The following ALK variants were observed in gnomAD, a reference collection of about 807,000 sequenced individuals.
The protein encoded by ALK is ALK receptor tyrosine kinase, also known as ALK tyrosine kinase receptor.
A neutral mutation model predicts 163.1 loss-of-function variants in ALK; 74 were observed. That is an observed-to-expected ratio of 0.45 (90% CI 0.38 to 0.55). The LOEUF (loss-of-function observed/expected upper bound fraction) is 0.55, where lower values mean the gene tolerates loss of function less well. ALK is among the 20% of genes least tolerant of loss of function. The pLI, the probability that ALK is intolerant of heterozygous loss-of-function variation, is 0.00. For missense variants in ALK, 2,063 were observed against 2,105.3 expected (o/e 0.98, Z 0.39); for synonymous variants, 960 against 843.2 (o/e 1.14, Z -2.40).
intron 23 of ALK, among the ~76,000 whole-genome samples, chr2:29,215,046 C>T (rs981195045): frequency 6.6e-6 from 1 of 152,202 alleles, no homozygotes; most frequent in Non-Finnish European, 1.5e-5. Flanking sequence ...AGAAAGCACA[C>T]GCAGGTAGGG....
At chr2:29,429,860 TG>T (rs1395133755) in intron 4 of ALK, among the ~76,000 whole-genome samples, 1 of 152,140 alleles carries the variant, frequency 6.6e-6, no homozygotes, top group Non-Finnish European at 1.5e-5. Flanking sequence ...AATGTTATGC[TG>T]GCATAATGAT....
chr2:29,372,330 T>A (rs75645293), intron 5 of ALK, among the ~76,000 whole-genome samples: 7,716 of 152,296 alleles, frequency 0.051, 287 homozygotes, highest in East Asian at 0.14. Context: ...AGCTGAGTCA[T>A]CTAGTCCTTC....
chr2:29,552,217 T>G (rs1044477976), intron 3 of ALK, among the ~76,000 whole-genome samples: 2 of 152,248 alleles, frequency 1.3e-5, no homozygotes, highest in Admixed American at 6.5e-5. Context: ...GGTCATGGTA[T>G]GTGTATACCA....
intron 1 of ALK, among the ~76,000 whole-genome samples, chr2:29,901,148 T>C (rs1667407273): frequency 6.6e-6 from 1 of 152,204 alleles, no homozygotes; most frequent in South Asian, 2.1e-4. Context: ...TCATTTGACC[T>C]AGGCAAGTCA....
chr2:29,590,819 C>G (rs888105078), intron 3 of ALK, among the ~76,000 whole-genome samples: 1 of 151,944 alleles, frequency 6.6e-6, no homozygotes, highest in East Asian at 1.9e-4. Flanking sequence ...CGCCTGTAAT[C>G]CTAGCACTTT....
At chr2:29,747,522 T>A (rs1429780467) in intron 1 of ALK, among the ~76,000 whole-genome samples, 1 of 152,222 alleles carries the variant, frequency 6.6e-6, no homozygotes, top group Non-Finnish European at 1.5e-5. Context: ...GAGGGGCTGA[T>A]GTCTCTGTCT....
At chr2:29,912,358 AG>A (rs2148438309) in intron 1 of ALK, among the ~76,000 whole-genome samples, 1 of 152,320 alleles carries the variant, frequency 6.6e-6, no homozygotes, top group Non-Finnish European at 1.5e-5. Context: ...AATTACAAAA[AG>A]GAACAACAAT....
At chr2:29,499,176 G>A (rs1177290672) in intron 4 of ALK, among the ~76,000 whole-genome samples, 2 of 152,006 alleles carry the variant, frequency 1.3e-5, no homozygotes, top group Non-Finnish European at 2.9e-5. Flanking sequence ...CAACATCTGA[G>A]TATTTCTTGA....
chr2:29,359,532 T>C (rs77945231), intron 5 of ALK, among the ~76,000 whole-genome samples: 8,566 of 152,230 alleles, frequency 0.056, 317 homozygotes, highest in Non-Finnish European at 0.086. Context: ...ATTAGGATAA[T>C]AAAAAAGGAG....
At chr2:29,750,684 GAA>G in intron 1 of ALK, among the ~76,000 whole-genome samples, 1 of 140,582 alleles carries the variant, frequency 7.1e-6, no homozygotes, top group Admixed American at 7.1e-5. Flanking sequence ...AGGAAGGAAG[GAA>G]GGAAGGAAGG....
intron 11 of ALK, among the ~76,000 whole-genome samples, chr2:29,266,373 C>T (rs1217256925): frequency 6.6e-6 from 1 of 152,118 alleles, no homozygotes; most frequent in Non-Finnish European, 1.5e-5. Flanking sequence ...TTCGTGTATA[C>T]ACAAAAGTGT....
chr2:29,825,861 A>G (rs1665182273), intron 1 of ALK, among the ~76,000 whole-genome samples: 1 of 152,158 alleles, frequency 6.6e-6, no homozygotes, highest in African/African-American at 2.4e-5. Context: ...TCTGAGAAAT[A>G]CTGAGAAGTT....
intron 1 of ALK, among the ~76,000 whole-genome samples, chr2:29,836,500 T>C (rs1665565041): frequency 6.6e-6 from 1 of 152,188 alleles, no homozygotes; most frequent in South Asian, 2.1e-4. Context: ...AACTGACATA[T>C]ACCACTTCTG....
chr2:29,708,707 TAG>T (rs1678984950), intron 2 of ALK, among the ~76,000 whole-genome samples: 3 of 152,174 alleles, frequency 2.0e-5, no homozygotes, highest in African/African-American at 7.2e-5. Flanking sequence ...GCCTCTATGG[TAG>T]AGAGGTTAGG....
intron 3 of ALK, among the ~76,000 whole-genome samples, chr2:29,660,920 A>AT (rs1677328692): frequency 6.6e-6 from 1 of 152,168 alleles, no homozygotes; most frequent in Admixed American, 6.5e-5. Context: ...AGACCACACA[A>AT]TGCCCTCATG....
At chr2:29,303,489 C>T (rs1573209644) in intron 8 of ALK, among the ~76,000 whole-genome samples, 1 of 152,260 alleles carries the variant, frequency 6.6e-6, no homozygotes, top group East Asian at 1.9e-4. Context: ...TCTCAAAGAA[C>T]TAAAAACAGA....
intron 5 of ALK, among the ~76,000 whole-genome samples, chr2:29,363,371 C>G (rs906925431): frequency 1.3e-5 from 2 of 152,222 alleles, no homozygotes; most frequent in East Asian, 1.9e-4. Context: ...GGAGGCATAG[C>G]CTTCTCCATG....
chr2:29,612,536 C>G (rs563319443), intron 3 of ALK, among the ~76,000 whole-genome samples: 1 of 152,274 alleles, frequency 6.6e-6, no homozygotes, highest in East Asian at 1.9e-4. Context: ...AAGGAGGAAC[C>G]GTCCTACCCA....
At chr2:29,325,833 C>T (rs971496543) in intron 6 of ALK, among the ~76,000 whole-genome samples, 1 of 152,220 alleles carries the variant, frequency 6.6e-6, no homozygotes, top group Non-Finnish European at 1.5e-5. Flanking sequence ...GTGTTGAGAA[C>T]AGCTCCTGCC....
Sources: allele counts gnomAD v4.1 joint callset (sites outside exome capture counted in the v4.1 genomes callset), GRCh38; gene constraint gnomAD v4.1.1; transcripts MANE v1.5; gene names NCBI Gene and HGNC (gene_info 2026-07-23, HGNC 2026-07-21).